Variants in ITGAL observed in about 807,000 individuals in gnomAD.
The protein encoded by ITGAL is integrin subunit alpha L.
A neutral mutation model predicts 138.4 loss-of-function variants in ITGAL; 68 were observed. The observed-to-expected ratio is 0.49, with a 90% CI of 0.40 to 0.60. The LOEUF (loss-of-function observed/expected upper bound fraction) is 0.60, where lower values mean the gene tolerates loss of function less well. ITGAL is among the 20% of genes least tolerant of loss of function. ITGAL has a pLI of 0.00. For synonymous variants in ITGAL, 561 were observed against 584.3 expected, an observed-to-expected ratio of 0.96 and a Z score of 0.57; for missense variants, 1,256 against 1,478.6, an observed-to-expected ratio of 0.85 and a Z score of 2.47.
chr16:30,475,389 T>A lies in ITGAL; in HGVS notation c.248T>A (p.Val83Asp). Residue 83 changes from valine to aspartate, a missense_variant, in exon 3 of 31, where the codon GTC becomes GAC. This residue lies in a region of ITGAL where 212 missense variants were observed against 217.4 expected (regional missense o/e 0.98). Coordinates refer to ENST00000356798, the MANE Select transcript of ITGAL (RefSeq NM_002209.3). ...CQSGTGHCLP[V>D]TLRGSNYTSK... is the part of the protein sequence containing the mutation. ...TCGGGCACAGGACACTGCCTGCCAG[T>A]CACCCTGAGAGGTGAGTAACTGGGG... The A allele has an allele frequency of 6.2e-7, 1 of 1,613,484 alleles. No homozygotes were observed. The highest frequency in any genetic ancestry group is 8.5e-7 in the Non-Finnish European group (1 of 1,179,514).
chr16:30,499,040 G>A (rs373284900), intron 15 of ITGAL, 34 bp from the exon 16 acceptor site: 9 of 1,603,738 alleles, frequency 5.6e-6, no homozygotes, highest in Non-Finnish European at 7.7e-6. Flanking sequence ...CAGTTGGGTT[G>A]GAGGGAGAGA....
Position 30,502,265 on chromosome 16 carries a change from T to TG in ITGAL, c.2146-1905dup, listed in dbSNP as rs1395467368. On this transcript the variant is annotated intron_variant, in intron 17 of 30. Transcript: ENST00000356798. Reference sequence around the variant, plus strand: ...ACAAAAAATTAGCTGGGCGTGGTGGTGGGGGCCTGTAGTCCCAGCTACTTG... The same window carrying TG: ...ACAAAAAATTAGCTGGGCGTGGTGGTGGGGGGCCTGTAGTCCCAGCTACTTG... Among the ~76,000 whole-genome samples, 12 of 147,488 alleles carry TG rather than the reference T, an allele frequency of 8.1e-5. No homozygotes were observed. In the Admixed American group the frequency reaches 8.1e-4, roughly 10 times the overall value.
chr16:30,495,068 A>G lies in ITGAL; in HGVS notation c.1503+218A>G, dbSNP rs1276418469. Among the ~76,000 whole-genome samples the G allele has an allele frequency of 2.6e-5, 4 of 152,308 alleles. No individual in the cohort carries two copies. The East Asian group carries it at 7.7e-4, about 29-fold the overall frequency. On this transcript the variant is annotated intron_variant, in intron 13 of 30. Transcript: ENST00000356798. ...AGACAGAGTCTCGCTCTTATGGCCC[A>G]GGCTAGAGTGCAGTGGCACGATCTC...
intron 23 of ITGAL, 23 bp from the exon 24 acceptor site, chr16:30,511,027 G>C: frequency 6.2e-7 from 1 of 1,612,534 alleles, no homozygotes; most frequent in East Asian, 2.2e-5. Context: ...CCTAACACTG[G>C]CCTCTTCCTT....
chr16:30,474,868 T>C (rs1361059940), intron 2 of ITGAL, among the ~76,000 whole-genome samples: 22 of 149,576 alleles, frequency 1.5e-4, no homozygotes, highest in African/African-American at 5.1e-4. Flanking sequence ...TTCTTTTTTT[T>C]TTTTTTGAGA....
chr16:30,494,150 C>T lies in ITGAL; in HGVS notation c.1214-62C>T. 1 of 1,468,562 alleles carries T rather than the reference C, an allele frequency of 6.8e-7. No individual in the cohort carries two copies. The highest frequency in any genetic ancestry group is 9.3e-7 in the Non-Finnish European group (1 of 1,080,134). The allele number at this position is 1,468,562 out of a possible 1,614,324, so 91.0% of individuals were successfully genotyped here. On this transcript the variant is annotated intron_variant, in intron 11 of 30. Transcript: ENST00000356798. This position sits in a 1 kb window ranked among gnomAD's most constrained non-coding sequence, Gnocchi z 4.2. ...AATTCCCTGGGGCCCCTGCCCCTCT[C>T]CTGCTGGGTGTTCTTCCAGCATCCT...
chr16:30,521,025 G>A (rs778761620), intron 30 of ITGAL, among the ~76,000 whole-genome samples: 21 of 151,602 alleles, frequency 1.4e-4, no homozygotes, highest in Non-Finnish European at 1.8e-4. Flanking sequence ...CGGAGCTTGC[G>A]GTGAGCCAAG....
intron 4 of ITGAL, among the ~76,000 whole-genome samples, chr16:30,476,752 C>T (rs374562909): frequency 1.3e-5 from 2 of 151,832 alleles, no homozygotes; most frequent in South Asian, 2.1e-4. Context: ...CCTGCCTCAG[C>T]CTCCGGAGTA....
intron 25 of ITGAL, among the ~76,000 whole-genome samples, chr16:30,515,687 T>C (rs2051155883): frequency 6.6e-6 from 1 of 152,048 alleles, no homozygotes; most frequent in Non-Finnish European, 1.5e-5. Context: ...ATCCTGTCCA[T>C]CTGGTCAGGC....
intron 17 of ITGAL, among the ~76,000 whole-genome samples, chr16:30,502,136 G>A (rs1205908718): frequency 2.6e-5 from 4 of 152,156 alleles, no homozygotes; most frequent in African/African-American, 4.8e-5. Flanking sequence ...GGTGGCTCAC[G>A]CCTCTAATCC....
intron 9 of ITGAL, among the ~76,000 whole-genome samples, chr16:30,485,276 G>GAGTGCAGTGGCGCAGTCTGCTCACTGC (rs2050627900): frequency 6.9e-6 from 1 of 144,838 alleles, no homozygotes; most frequent in Non-Finnish European, 1.5e-5. Context: ...GCCCAGGCTG[G>GAGTGCAGTGGCGCAGTCTGCTCACTGC]AGTGCAGTGG....
rs1206743298 is a variant in ITGAL at position 30,504,274 on chromosome 16, G to T, written c.2235+10G>T. On this transcript the variant is annotated intron_variant, in intron 18 of 30. Transcript: ENST00000356798. ...GAGGGACCAAAGGGCGGTAAGAAGAGATGGCTAGGGATGGTGGGGAGTTTA... is the reference window on the plus strand; with the variant it reads ...GAGGGACCAAAGGGCGGTAAGAAGATATGGCTAGGGATGGTGGGGAGTTTA... 1 of 1,588,954 alleles carries T rather than the reference G, an allele frequency of 6.3e-7. No individual in the cohort carries two copies. Among genetic ancestry groups the T allele is most frequent in the East Asian group, 2.2e-5 (1 of 44,768 alleles).
intron 17 of ITGAL, among the ~76,000 whole-genome samples, chr16:30,502,184 T>C (rs1417223038): frequency 6.8e-6 from 1 of 146,200 alleles, no homozygotes; most frequent in Non-Finnish European, 1.5e-5. Context: ...GATCACGAGG[T>C]GAGGAGATTG....
rs1449584722 is a variant in ITGAL, at chr16:30,478,139, T to C, written c.328-952T>C. 2.0e-5 allele frequency among the ~76,000 whole-genome samples: 3 copies of C among 147,488 alleles called. No individual in the cohort carries two copies. The East Asian group carries it at 6.3e-4, about 31-fold the overall frequency. ...ACACAAGGTCAGGAGTTTGAGACCA[T>C]CCTGGCCAATATGGTGAAACCCCGT... On this transcript the variant is annotated intron_variant, in intron 4 of 30. Transcript: ENST00000356798.
intron 9 of ITGAL, among the ~76,000 whole-genome samples, chr16:30,487,122 G>A (rs951031318): frequency 4.6e-5 from 6 of 131,520 alleles, no homozygotes; most frequent in Middle Eastern, 6.0e-3. Flanking sequence ...CAGCCTGGGC[G>A]ACAGAGTGAG....
chr16:30,496,661 A>T, intron 15 of ITGAL, 95 bp downstream of exon 15: 1 of 1,190,018 alleles, frequency 8.4e-7, no homozygotes, highest in Non-Finnish European at 1.1e-6. Context: ...TTTTTTTTAG[A>T]GACAGGGTCT....
intron 11 of ITGAL, among the ~76,000 whole-genome samples, chr16:30,493,079 G>T (rs1161940506): frequency 1.3e-5 from 2 of 151,712 alleles, no homozygotes; most frequent in Non-Finnish European, 2.9e-5. Flanking sequence ...TAGAGACGGG[G>T]TCTCACTATG....
In ITGAL at chr16:30,506,875, C is replaced by T; in HGVS notation, c.2508+19C>T. ...GCTGAAGGTGGGTGAGAGGACAGCG[C>T]CTGCCTGCGGGCATCTGTTCGGCAG... On this transcript the variant is annotated intron_variant, in intron 21 of 30. Coordinates refer to ENST00000356798, the MANE Select transcript of ITGAL (RefSeq NM_002209.3). 1 of 1,613,150 alleles carries T rather than the reference C, an allele frequency of 6.2e-7. No individual in the cohort carries two copies. The highest frequency in any genetic ancestry group is 8.5e-7 in the Non-Finnish European group (1 of 1,179,362).
intron 9 of ITGAL, among the ~76,000 whole-genome samples, chr16:30,487,264 C>T (rs575705506): frequency 9.9e-5 from 15 of 151,986 alleles, no homozygotes; most frequent in Non-Finnish European, 1.9e-4. Flanking sequence ...GCATGAGCCA[C>T]TACGCCCGGC....
Sources: gnomAD v4.1 joint callset for allele counts (sites outside exome capture counted in the v4.1 genomes callset) on GRCh38, gnomAD v4.1.1 for gene constraint, gnomAD v4.1.1 regional missense constraint, Gnocchi (gnomAD v3.1) non-coding constraint, MANE v1.5 for transcripts, NCBI Gene and HGNC (gene_info 2026-07-23, HGNC 2026-07-21) for gene names.